Variants in P4HA1 observed in about 807,000 individuals in gnomAD.
The protein encoded by P4HA1 is prolyl 4-hydroxylase subunit alpha-1.
In P4HA1, 24 loss-of-function variants were observed where a neutral mutation model predicts 72.8. The observed-to-expected ratio is 0.33, with a 90% CI of 0.24 to 0.46. P4HA1 has a LOEUF of 0.46. Ranked by LOEUF, P4HA1 falls within the 20% of genes least tolerant of loss-of-function variation. The probability of loss-of-function intolerance (pLI) is 1.00; values close to 1 mark genes in which losing one functional copy is unlikely to be tolerated. For synonymous variants in P4HA1, 201 were observed against 218.8 expected (o/e 0.92, Z 0.72); for missense variants, 446 against 640.6 (o/e 0.70, Z 3.28).
intron 1 of P4HA1, among the ~76,000 whole-genome samples, chr10:73,080,705 T>C (rs1841802811): frequency 6.6e-6 from 1 of 152,120 alleles, no homozygotes. Flanking sequence ...GGCAGGCAGA[T>C]TGCTTGAGGT....
intron 9 of P4HA1, among the ~76,000 whole-genome samples, chr10:73,043,490 C>T (rs550894551): frequency 6.6e-6 from 1 of 152,290 alleles, no homozygotes; most frequent in East Asian, 1.9e-4. Context: ...CTTGCAAAGG[C>T]TTTGTTATAA....
At chr10:73,087,848 C>T (rs546963246) in intron 1 of P4HA1, among the ~76,000 whole-genome samples, 1 of 152,104 alleles carries the variant, frequency 6.6e-6, no homozygotes, top group African/African-American at 2.4e-5. Flanking sequence ...ATATTTTCTC[C>T]CAGTCTGTGA....
At chr10:73,053,264 C>A in intron 6 of P4HA1, 87 bp downstream of exon 6, 1 of 1,270,080 alleles carries the variant, frequency 7.9e-7, no homozygotes, top group Non-Finnish European at 1.1e-6. Flanking sequence ...AAGAAAATAC[C>A]ATATATAAAT....
At chr10:73,037,764 C>T (rs1840633268) in intron 9 of P4HA1, among the ~76,000 whole-genome samples, 1 of 150,322 alleles carries the variant, frequency 6.7e-6, no homozygotes, top group African/African-American at 2.4e-5. Flanking sequence ...TACATCCACT[C>T]ATTTCAGTTA....
intron 1 of P4HA1, among the ~76,000 whole-genome samples, chr10:73,078,098 T>C (rs1841743435): frequency 8.1e-6 from 1 of 122,912 alleles, no homozygotes; most frequent in African/African-American, 3.0e-5. Flanking sequence ...CCTTTAAAAC[T>C]CAAACTAGAA....
intron 9 of P4HA1, among the ~76,000 whole-genome samples, chr10:73,042,258 C>G (rs1347725464): frequency 6.6e-6 from 1 of 151,990 alleles, no homozygotes; most frequent in Non-Finnish European, 1.5e-5. Context: ...GAAACCAAGA[C>G]GTGTATAGTA....
chr10:73,068,808 G>C (rs2133125728), intron 5 of P4HA1, 38 bp downstream of exon 5: 1 of 1,546,822 alleles, frequency 6.5e-7, no homozygotes, highest in Non-Finnish European at 8.9e-7. Flanking sequence ...AGAGAAGCTA[G>C]GTGATAGGTA....
intron 7 of P4HA1, among the ~76,000 whole-genome samples, chr10:73,050,248 C>T (rs1840987015): frequency 6.6e-6 from 1 of 151,438 alleles, no homozygotes; most frequent in South Asian, 2.1e-4. Flanking sequence ...CTTATTTGAT[C>T]CTTCACCCTG....
intron 12 of P4HA1, 90 bp from the exon 13 acceptor site, chr10:73,011,127 T>C: frequency 1.0e-6 from 1 of 977,002 alleles, no homozygotes. Context: ...TACTAGAATA[T>C]TGGGAACATA....
At chr10:73,093,897 T>TATATATATA (rs1842105041) in intron 1 of P4HA1, among the ~76,000 whole-genome samples, 2 of 76,486 alleles carry the variant, frequency 2.6e-5, no homozygotes, top group Non-Finnish European at 4.5e-5. Flanking sequence ...TATATATATA[T>TATATATATA]ATATATATAT....
rs71021546 is a variant in P4HA1, at chr10:73,070,142, C to CTTTTTT, written c.326-1165_326-1160dup. Reference sequence around the variant, plus strand: ...TATTTTGAACAGCAAGAGACCAGGCCTTTTTTTTTTTTTTTTTTTTTTTTT... The same window carrying CTTTTTT: ...TATTTTGAACAGCAAGAGACCAGGCCTTTTTTTTTTTTTTTTTTTTTTTTTTTTTTT... On this transcript the variant is annotated intron_variant, in intron 4 of 14. Transcript: ENST00000394890. 4.1e-3 allele frequency among the ~76,000 whole-genome samples: 265 copies of CTTTTTT among 64,516 alleles called. 16 individuals are homozygous for CTTTTTT. Among genetic ancestry groups the CTTTTTT allele is most frequent in the African/African-American group, 8.4e-3 (133 of 15,806 alleles). 42.3% of individuals were successfully genotyped at this position (64,516 alleles called of 152,430 possible). A position where few individuals can be genotyped will look rare whatever the true frequency, so the allele number is the denominator to read the frequency against.
chr10:73,039,426 C>T (rs1286536090), intron 9 of P4HA1, among the ~76,000 whole-genome samples: 1 of 152,140 alleles, frequency 6.6e-6, no homozygotes, highest in African/African-American at 2.4e-5. Context: ...CCTGCCTCAG[C>T]CTCCCCAGTA....
Position 73,046,928 on chromosome 10 carries a change from T to C in P4HA1, c.1074A>G (p.Pro358=). The C allele has an allele frequency of 6.3e-7, 1 of 1,596,966 alleles. No individual in the cohort carries two copies. Among genetic ancestry groups the C allele is most frequent in the East Asian group, 2.2e-5 (1 of 44,674 alleles). The part of the protein sequence containing the change: ...EIEIVKDLAK[P]RLRRATISNP... ...AAAGAAAGAAAACATTATTTACCCTTGGTTTTGCTAGGTCTTTGACGATTT... is the reference window on the plus strand; with the variant it reads ...AAAGAAAGAAAACATTATTTACCCTCGGTTTTGCTAGGTCTTTGACGATTT... The change falls in exon 8 of 15, where the codon CCA becomes CCG. Residue 358 remains proline, a synonymous_variant. Transcript: ENST00000394890.
In P4HA1 at chr10:73,037,552, TATATATATA is replaced by T. The variant is rs1840614926; in HGVS notation, c.1149-7191_1149-7183del. On this transcript the variant is annotated intron_variant, in intron 9 of 14. Transcript: ENST00000394890. Reference sequence around the variant, plus strand: ...ATATATATATATATATATATATATATATATATATATATATATATATTTTTTTTTTTTTTT... The same window carrying T: ...ATATATATATATATATATATATATATTATATATATATTTTTTTTTTTTTTT... 2.3e-3 allele frequency among the ~76,000 whole-genome samples: 74 copies of T among 32,360 alleles called. 2 individuals are homozygous for T. The highest frequency in any genetic ancestry group is 8.3e-3 in the African/African-American group (72 of 8,694). 21.2% of individuals were successfully genotyped at this position (32,360 alleles called of 152,430 possible). A position where few individuals can be genotyped will look rare whatever the true frequency, so the allele number is the denominator to read the frequency against.
intron 1 of P4HA1, among the ~76,000 whole-genome samples, chr10:73,081,331 G>C (rs1841818625): frequency 6.6e-6 from 1 of 152,114 alleles, no homozygotes; most frequent in Non-Finnish European, 1.5e-5. Flanking sequence ...TGTTGCAACA[G>C]TATGAATAAG....
intron 8 of P4HA1, among the ~76,000 whole-genome samples, chr10:73,045,640 A>C (rs1267566604): frequency 6.6e-6 from 1 of 152,130 alleles, no homozygotes; most frequent in Admixed American, 6.6e-5. Flanking sequence ...AGCAAGAAAG[A>C]GGTGACCGCC....
intron 8 of P4HA1, among the ~76,000 whole-genome samples, chr10:73,046,057 G>A (rs1840854725): frequency 6.6e-6 from 1 of 151,796 alleles, no homozygotes; most frequent in Non-Finnish European, 1.5e-5. Flanking sequence ...CTGTAATATA[G>A]CCACACTCTT....
chr10:73,080,269 TAATA>T (rs2133149073), intron 1 of P4HA1, among the ~76,000 whole-genome samples: 1 of 152,322 alleles, frequency 6.6e-6, no homozygotes, highest in African/African-American at 2.4e-5. Context: ...CCAAGCTAGA[TAATA>T]AAAATGAAGA....
intron 5 of P4HA1, among the ~76,000 whole-genome samples, chr10:73,054,537 A>G (rs1032455238): frequency 2.6e-5 from 4 of 152,174 alleles, no homozygotes; most frequent in African/African-American, 9.7e-5. Flanking sequence ...AAATTTGCCT[A>G]TTCTGGACAT....
Sources: allele counts gnomAD v4.1 joint callset (sites outside exome capture counted in the v4.1 genomes callset), GRCh38; gene constraint gnomAD v4.1.1; transcripts MANE v1.5; gene names NCBI Gene and HGNC (gene_info 2026-07-23, HGNC 2026-07-21).